The following MYT1 variants were observed in gnomAD, a reference collection of about 807,000 sequenced individuals.
The protein encoded by MYT1 is myelin transcription factor 1.
Under a neutral mutation model 123.0 loss-of-function variants are expected in MYT1, and 23 were observed. The ratio of observed to expected loss-of-function variants is 0.19; its 90% CI spans 0.13 to 0.26. MYT1 has a LOEUF of 0.26. MYT1 is among the 10% of genes least tolerant of loss of function. The probability of loss-of-function intolerance (pLI) is 1.00; values close to 1 mark genes in which losing one functional copy is unlikely to be tolerated. For synonymous variants in MYT1, 518 were observed against 575.3 expected (o/e 0.90, Z 1.43); for missense variants, 1,125 against 1,472.5 (o/e 0.76, Z 3.86).
At chr20:64,221,836 G>T in intron 13 of MYT1, 57 bp from the exon 14 acceptor site, 1 of 1,589,120 alleles carries the variant, frequency 6.3e-7, no homozygotes, top group East Asian at 2.3e-5. Flanking sequence ...CCACTGGGTT[G>T]GGCGCCCAGG....
rs539658393 is a variant in MYT1 at position 64,186,350 on chromosome 20, G to C, written c.-98-3713G>C. 1.3e-5 allele frequency among the ~76,000 whole-genome samples: 2 copies of C among 152,294 alleles called. No homozygotes were observed. The highest frequency in any genetic ancestry group is 6.5e-5 in the Admixed American group (1 of 15,300). ...ACGTGCTCAGGATGGAGCGGTCTCT[G>C]ATGTTCCGTTTCCCATTCGCATCCA... On this transcript the variant is annotated intron_variant, in intron 1 of 22. Coordinates refer to ENST00000328439, the MANE Select transcript of MYT1 (RefSeq NM_004535.3). The surrounding 1 kb of genome is among the most constrained non-coding windows in gnomAD (Gnocchi z 4.3).
Position 64,186,864 on chromosome 20 carries a change from G to A in MYT1, c.-98-3199G>A, listed in dbSNP as rs992203779. ...AGAGTTTCCTGTAGCACGTGGCTCC[G>A]GCATCCACGTTTCCGTGGAGACTTT... On this transcript the variant is annotated intron_variant, in intron 1 of 22. Coordinates refer to ENST00000328439, the MANE Select transcript of MYT1 (RefSeq NM_004535.3). The surrounding 1 kb of genome is among the most constrained non-coding windows in gnomAD (Gnocchi z 4.3). Among the ~76,000 whole-genome samples the A allele has an allele frequency of 2.4e-4, 34 of 143,166 alleles. No homozygotes were observed. Among genetic ancestry groups the A allele is most frequent in the South Asian group, 1.2e-3 (5 of 4,346 alleles). 93.9% of individuals were successfully genotyped at this position (143,166 alleles called of 152,430 possible).
In MYT1 at chr20:64,186,990, T is replaced by C. The variant is rs534050048; in HGVS notation, c.-98-3073T>C. ...TTCCGTGGAGAGTTTTCCTGTAGCC[T>C]GTGGCCCCGGCATCCACGTTTCCGT... On this transcript the variant is annotated intron_variant, in intron 1 of 22. Transcript: ENST00000328439. The surrounding 1 kb of genome is among the most constrained non-coding windows in gnomAD (Gnocchi z 4.3). Among the ~76,000 whole-genome samples the C allele has an allele frequency of 9.5e-3, 1,045 of 109,654 alleles. 19 individuals carry two copies. Among genetic ancestry groups the C allele is most frequent in the African/African-American group, 0.035 (977 of 27,912 alleles). The allele number at this position is 109,654 out of a possible 152,430, so 71.9% of individuals were successfully genotyped here. A position where few individuals can be genotyped will look rare whatever the true frequency, so the allele number is the denominator to read the frequency against.
intron 10 of MYT1, 126 bp from the exon 11 acceptor site, chr20:64,216,941 C>T (rs1983854495): frequency 1.2e-6 from 1 of 863,850 alleles, no homozygotes; most frequent in East Asian, 2.5e-5. Context: ...GTAGTGTCTT[C>T]CTGAGTCTCC....
rs1326541774 is a variant in MYT1, at chr20:64,185,881, A to T, written c.-98-4182A>T. ...GGAAACCTTGGGGTAGGCCAGCAGC[A>T]CTTCCTGGGAAGAGCCCAGCAGAGC... On this transcript the variant is annotated intron_variant, in intron 1 of 22. Transcript: ENST00000328439. The surrounding 1 kb of genome is among the most constrained non-coding windows in gnomAD (Gnocchi z 4.5). Among the ~76,000 whole-genome samples the T allele has an allele frequency of 2.6e-5, 4 of 152,146 alleles. No homozygotes were observed. The highest frequency in any genetic ancestry group is 4.8e-5 in the African/African-American group (2 of 41,442).
chr20:64,219,458 AC>A (rs1983932281), intron 12 of MYT1, among the ~76,000 whole-genome samples: 1 of 152,072 alleles, frequency 6.6e-6, no homozygotes, highest in Non-Finnish European at 1.5e-5. Context: ...ACCTAGTCTT[AC>A]CCGTGTTTAT....
chr20:64,173,524 C>T, intron 1 of MYT1, among the ~76,000 whole-genome samples: 1 of 126,246 alleles, frequency 7.9e-6, no homozygotes, highest in East Asian at 2.3e-4. Context: ...CCTGACTTCT[C>T]CTCCTGCAGC....
At chr20:64,220,711 C>A (rs1052369670) in intron 13 of MYT1, among the ~76,000 whole-genome samples, 1 of 152,200 alleles carries the variant, frequency 6.6e-6, no homozygotes, top group Non-Finnish European at 1.5e-5. Context: ...TCCCCTCCCC[C>A]AAAGCCCCTC....
Position 64,227,422 on chromosome 20 carries a change from A to T in MYT1, c.2536A>T (p.Thr846Ser). 6 of 1,612,642 alleles carry T rather than the reference A, an allele frequency of 3.7e-6. No individual in the cohort carries two copies. The highest frequency in any genetic ancestry group is 4.2e-6 in the Non-Finnish European group (5 of 1,179,780). ...TTCTGCTTCCCTCTGCAGGTGCCCC[A>T]CGCCCGGCTGTGACGGCTCTGGCCA... is the stretch of plus-strand genomic sequence containing the variant. Reference protein sequence around the residue: ...AAHSADLKCPTPGCDGSGHIT... With the variant: ...AAHSADLKCPSPGCDGSGHIT... The change falls in exon 17 of 23, where the codon ACG becomes TCG. Residue 846 changes from threonine to serine, a missense_variant. Physicochemically the swap from Thr to Ser is moderately conservative, Grantham distance 58. Transcript: ENST00000328439.
In MYT1 at chr20:64,202,261, T is replaced by A. The variant is rs1187865112; in HGVS notation, c.86+2339T>A. On this transcript the variant is annotated intron_variant, in intron 4 of 22. Coordinates refer to ENST00000328439, the MANE Select transcript of MYT1 (RefSeq NM_004535.3). The surrounding 1 kb of genome is among the most constrained non-coding windows in gnomAD (Gnocchi z 5.0). ...ATCGAGCAGGACCCTGAGCTGCTAT[T>A]TCCGACCTCGGAGCCCACTGGGAGT... 1.3e-5 allele frequency among the ~76,000 whole-genome samples: 2 copies of A among 152,196 alleles called. No homozygotes were observed. Among genetic ancestry groups the A allele is most frequent in the Non-Finnish European group, 2.9e-5 (2 of 68,036 alleles).
rs534985868 is a variant in MYT1, at chr20:64,169,265, G to C, written c.-99+4526G>C. On this transcript the variant is annotated intron_variant, in intron 1 of 22. Transcript: ENST00000328439. Reference sequence around the variant, plus strand: ...AGAAGGTCCCTGAGACTCTCGGACCGCAAACTGACAGCAGCAGGTGCCTGG... The same window carrying C: ...AGAAGGTCCCTGAGACTCTCGGACCCCAAACTGACAGCAGCAGGTGCCTGG... Among the ~76,000 whole-genome samples the C allele has an allele frequency of 1.2e-4, 18 of 152,294 alleles. No homozygotes were observed. In the East Asian group the frequency reaches 2.9e-3, roughly 25 times the overall value.
rs1028020569 is a variant in MYT1, at chr20:64,232,798, G to C, written c.2897+413G>C. Among the ~76,000 whole-genome samples the C allele has an allele frequency of 1.3e-5, 2 of 151,792 alleles. No individual in the cohort carries two copies. Among genetic ancestry groups the C allele is most frequent in the African/African-American group, 4.8e-5 (2 of 41,292 alleles). Reference sequence around the variant, plus strand: ...ATTCATACCTTCTCAGGAAAAGTTTGTCTCCTACACCTTATGCCCTGTCCG... The same window carrying C: ...ATTCATACCTTCTCAGGAAAAGTTTCTCTCCTACACCTTATGCCCTGTCCG... On this transcript the variant is annotated intron_variant, in intron 19 of 22. Transcript: ENST00000328439. This position sits in a 1 kb window ranked among gnomAD's most constrained non-coding sequence, Gnocchi z 6.9.
In MYT1 at chr20:64,167,341, A is replaced by G. The variant is rs539319466; in HGVS notation, c.-99+2602A>G. On this transcript the variant is annotated intron_variant, in intron 1 of 22. Transcript: ENST00000328439. This position sits in a 1 kb window ranked among gnomAD's most constrained non-coding sequence, Gnocchi z 6.3. ...AAAAGGTGCGTCTACTTTGGAAAAG[A>G]CTGAGCAAGGCTTGTGTCCACCCAG... 2.0e-4 allele frequency among the ~76,000 whole-genome samples: 31 copies of G among 152,262 alleles called. No homozygotes were observed. Among genetic ancestry groups the G allele is most frequent in the Non-Finnish European group, 3.4e-4 (23 of 68,022 alleles).
At chr20:64,200,228 A>T (rs1983255077) in intron 4 of MYT1, among the ~76,000 whole-genome samples, 1 of 152,166 alleles carries the variant, frequency 6.6e-6, no homozygotes, top group South Asian at 2.1e-4. Flanking sequence ...AACCGAAAAC[A>T]AGCCGCTCTC....
intron 3 of MYT1, 31 bp from the exon 4 acceptor site, chr20:64,199,861 C>T (rs761343812): frequency 6.2e-7 from 1 of 1,612,188 alleles, no homozygotes; most frequent in Admixed American, 1.7e-5. Flanking sequence ...ACAATTCCCA[C>T]ATGTTTTCCC....
At chr20:64,225,457 A>G (rs575711375) in intron 16 of MYT1, among the ~76,000 whole-genome samples, 64 of 152,354 alleles carry the variant, frequency 4.2e-4, no homozygotes, top group African/African-American at 1.5e-3. Flanking sequence ...GGCTGTGAGG[A>G]CATGGCCGCC....
At chr20:64,200,124 G>A (rs1983250479) in intron 4 of MYT1, among the ~76,000 whole-genome samples, 1 of 152,086 alleles carries the variant, frequency 6.6e-6, no homozygotes, top group East Asian at 1.9e-4. Context: ...CTCTGTCCTG[G>A]CCCCATCATG....
chr20:64,231,162 T>C lies in MYT1; in HGVS notation c.2676-1002T>C, dbSNP rs1380642286. On this transcript the variant is annotated intron_variant, in intron 18 of 22. Transcript: ENST00000328439. The surrounding 1 kb of genome is among the most constrained non-coding windows in gnomAD (Gnocchi z 6.4). ...CCTCTCGGGGTCTTGTGTTGCCAGG[T>C]AATCAGCACACAGGGAGTGTGTGAC... Among the ~76,000 whole-genome samples the C allele has an allele frequency of 1.3e-5, 2 of 152,126 alleles. No homozygotes were observed. Among genetic ancestry groups the C allele is most frequent in the Non-Finnish European group, 2.9e-5 (2 of 68,036 alleles).
At chr20:64,205,009 G>A (rs1178254293) in intron 4 of MYT1, 26 bp from the exon 5 acceptor site, 6 of 1,612,938 alleles carry the variant, frequency 3.7e-6, no homozygotes, top group Non-Finnish European at 5.1e-6. Flanking sequence ...CGCCTGATGT[G>A]GCCTTGCCTT....
Sources: allele counts gnomAD v4.1 joint callset (sites outside exome capture counted in the v4.1 genomes callset), GRCh38; gene constraint gnomAD v4.1.1; non-coding constraint Gnocchi (gnomAD v3.1); transcripts MANE v1.5; gene names NCBI Gene and HGNC (gene_info 2026-07-23, HGNC 2026-07-21).